Variants in LIMCH1 observed in about 807,000 individuals in gnomAD.
LIMCH1 encodes LIM and calponin homology domains-containing protein 1.
Under a neutral mutation model 176.5 loss-of-function variants are expected in LIMCH1, and 113 were observed. The ratio of observed to expected loss-of-function variants is 0.64; its 90% confidence interval spans 0.55 to 0.75. The LOEUF (loss-of-function observed/expected upper bound fraction) is 0.75, where lower values mean the gene tolerates loss of function less well. Ranked by LOEUF, LIMCH1 falls within the 30% of genes least tolerant of loss-of-function variation. The pLI, the probability that LIMCH1 is intolerant of heterozygous loss-of-function variation, is 0.00. For missense variants in LIMCH1, 1,674 were observed against 1,814.9 expected (o/e 0.92, Z 1.41); for synonymous variants, 619 against 645.9 (o/e 0.96, Z 0.63).
At chr4:41,422,103 T>C (rs2060651059) in intron 1 of LIMCH1, among the ~76,000 whole-genome samples, 1 of 151,898 alleles carries the variant, frequency 6.6e-6, no homozygotes, top group Admixed American at 6.6e-5. Context: ...AAGAAACAAA[T>C]AAACAAACAA....
At chr4:41,690,076 T>C (rs1299907963) in intron 30 of LIMCH1, among the ~76,000 whole-genome samples, 1 of 152,220 alleles carries the variant, frequency 6.6e-6, no homozygotes. Flanking sequence ...TAGAAAATTG[T>C]AGGTCTCAGA....
At chr4:41,558,789 T>A (rs765342701) in intron 1 of LIMCH1, among the ~76,000 whole-genome samples, 1 of 152,214 alleles carries the variant, frequency 6.6e-6, no homozygotes, top group Non-Finnish European at 1.5e-5. Flanking sequence ...CCCTTCAGCA[T>A]GTGGCATAAT....
intron 1 of LIMCH1, among the ~76,000 whole-genome samples, chr4:41,361,739 A>C (rs567575740): frequency 1.7e-4 from 26 of 152,314 alleles, no homozygotes; most frequent in Admixed American, 1.2e-3. Context: ...CACGATGTCT[A>C]TCAGTAGATG....
intron 1 of LIMCH1, among the ~76,000 whole-genome samples, chr4:41,393,673 T>C (rs2057497648): frequency 6.6e-6 from 1 of 152,312 alleles, no homozygotes; most frequent in South Asian, 2.1e-4. Flanking sequence ...GAATATCTTA[T>C]AACAAATACC....
upstream of LIMCH1, among the ~76,000 whole-genome samples, chr4:41,536,289 T>C (rs2152458101): frequency 6.6e-6 from 1 of 152,292 alleles, no homozygotes; most frequent in East Asian, 1.9e-4. Flanking sequence ...CGTGCCTTCC[T>C]CTGGATTGTT....
chr4:41,591,390 C>T (rs1252425167), intron 1 of LIMCH1, among the ~76,000 whole-genome samples: 1 of 152,032 alleles, frequency 6.6e-6, no homozygotes, highest in Non-Finnish European at 1.5e-5. Flanking sequence ...TACAGGCATG[C>T]TCCACCATGG....
At chr4:41,378,442 T>G (rs947146873) in intron 1 of LIMCH1, among the ~76,000 whole-genome samples, 2 of 152,250 alleles carry the variant, frequency 1.3e-5, no homozygotes, top group Admixed American at 6.5e-5. Context: ...AATAAATTAA[T>G]ATACTCAGTG....
In LIMCH1 at chr4:41,646,251, C is replaced by G. The variant is rs2094050436; in HGVS notation, c.2382C>G (p.Ile794Met). Reference protein sequence around the residue: ...EDGTSERRKSIKTYREIVQEK... With the variant: ...EDGTSERRKSMKTYREIVQEK... ...GGACAAGTGAACGAAGGAAAAGCAT[C>G]AAAACCTACAGAGAAATTGTTCAAG... The change falls in exon 16 of 32, where the codon ATC becomes ATG. Residue 794 changes from isoleucine (I) to methionine (M), a missense_variant. This residue lies in a region of LIMCH1 where 1,015 missense variants were observed against 1,102.5 expected (regional missense o/e 0.92). Transcript: ENST00000503057. 1 of 1,611,878 alleles carries G rather than the reference C, an allele frequency of 6.2e-7. No homozygotes were observed. The highest frequency in any genetic ancestry group is 1.7e-5 in the Admixed American group (1 of 59,598).
At chr4:41,423,330 A>G (rs1472475146) in intron 1 of LIMCH1, among the ~76,000 whole-genome samples, 1 of 152,176 alleles carries the variant, frequency 6.6e-6, no homozygotes, top group Non-Finnish European at 1.5e-5. Context: ...GAATTTCATG[A>G]AGTCTGGGAA....
chr4:41,404,045 G>A (rs1185832335), intron 1 of LIMCH1, among the ~76,000 whole-genome samples: 1 of 152,228 alleles, frequency 6.6e-6, no homozygotes, highest in Non-Finnish European at 1.5e-5. Flanking sequence ...ATGCATAATA[G>A]TGCATGCCAG....
intron 1 of LIMCH1, among the ~76,000 whole-genome samples, chr4:41,375,724 G>A (rs571240828): frequency 9.3e-4 from 142 of 152,316 alleles, no homozygotes; most frequent in East Asian, 4.8e-3. Context: ...TGGATACAGC[G>A]GCTGTCGCCC....
At chr4:41,692,534 A>G (rs1310702962) in intron 31 of LIMCH1, 150 bp downstream of exon 31, 2 of 579,558 alleles carry the variant, frequency 3.5e-6, no homozygotes, top group Non-Finnish European at 6.2e-6. Flanking sequence ...AAAAGAAAAG[A>G]TATTTACCAC....
chr4:41,397,035 A>G (rs1293743065), intron 1 of LIMCH1, among the ~76,000 whole-genome samples: 1 of 152,184 alleles, frequency 6.6e-6, no homozygotes, highest in East Asian at 1.9e-4. Context: ...CCTTATGTCA[A>G]GTCCCTCCTC....
At chr4:41,677,953 T>C (rs563160746) in intron 23 of LIMCH1, among the ~76,000 whole-genome samples, 2 of 152,212 alleles carry the variant, frequency 1.3e-5, no homozygotes, top group Non-Finnish European at 2.9e-5. Context: ...TTTTAAATTA[T>C]ACTTCAAGTT....
At chr4:41,521,612 A>G (rs1368917191) in intron 2 of LIMCH1, among the ~76,000 whole-genome samples, 17 of 152,218 alleles carry the variant, frequency 1.1e-4, no homozygotes. Context: ...GGGCATTTCA[A>G]CAATGTGAAT....
intron 1 of LIMCH1, among the ~76,000 whole-genome samples, chr4:41,561,288 T>C (rs61690528): frequency 2.8e-4 from 42 of 152,238 alleles, no homozygotes; most frequent in African/African-American, 9.9e-4. Context: ...TCTTGCTTCC[T>C]TGGCTGTATT....
rs1436632711 is a variant in LIMCH1 at position 41,699,470 on chromosome 4, G to T, written c.*2285G>T. 6.6e-6 allele frequency: 1 copy of T among 151,982 alleles called. No homozygotes were observed. Among genetic ancestry groups the T allele is most frequent in the African/African-American group, 2.4e-5 (1 of 41,364 alleles). The allele number at this position is 151,982 out of a possible 1,614,324, so 9.4% of individuals were successfully genotyped here. On this transcript the variant is annotated 3_prime_UTR_variant, in exon 32 of 32. Coordinates refer to ENST00000503057, the MANE Select transcript of LIMCH1 (RefSeq NM_001330672.2). ...ATATTTGATTTATATTTCATTTGGA[G>T]TCTGTTACATGGCAGCTTAGGCAGA... is the stretch of plus-strand genomic sequence containing the variant.
intron 1 of LIMCH1, among the ~76,000 whole-genome samples, chr4:41,543,907 C>T (rs909744849): frequency 3.3e-5 from 5 of 152,028 alleles, no homozygotes; most frequent in East Asian, 1.9e-4. Flanking sequence ...TTAAAATGGG[C>T]GATGGATTTT....
chr4:41,459,513 G>A (rs1408904321), intron 1 of LIMCH1, among the ~76,000 whole-genome samples: 2 of 152,118 alleles, frequency 1.3e-5, no homozygotes, highest in East Asian at 3.9e-4. Context: ...TGTTGCCCCA[G>A]CTGGTCTTGA....
Sources: allele counts gnomAD v4.1 joint callset (sites outside exome capture counted in the v4.1 genomes callset), GRCh38; gene constraint gnomAD v4.1.1; regional missense constraint gnomAD v4.1.1; transcripts MANE v1.5; gene names NCBI Gene and HGNC (gene_info 2026-07-23, HGNC 2026-07-21).